The following STXBP5L variants were observed in gnomAD, a reference collection of about 807,000 sequenced individuals.
The protein encoded by STXBP5L is syntaxin binding protein 5L.
Under a neutral mutation model 144.5 loss-of-function variants are expected in STXBP5L, and 65 were observed. That is an observed-to-expected ratio of 0.45 (90% CI 0.37 to 0.55). The LOEUF (loss-of-function observed/expected upper bound fraction) is 0.55. Ranked by LOEUF, STXBP5L falls within the 20% of genes least tolerant of loss-of-function variation. STXBP5L has a pLI of 0.00. For synonymous variants in STXBP5L, 505 were observed against 469.6 expected, an observed-to-expected ratio of 1.08 and a Z score of -0.97; for missense variants, 1,298 against 1,405.5, an observed-to-expected ratio of 0.92 and a Z score of 1.22.
chr3:121,055,608 T>C (rs191089714), intron 5 of STXBP5L, among the ~76,000 whole-genome samples: 10 of 152,114 alleles, frequency 6.6e-5, no homozygotes, highest in African/African-American at 2.2e-4. Context: ...ACTCCTGGGC[T>C]CAAGCAATCC....
chr3:121,076,177 T>A (rs1319456860), intron 5 of STXBP5L, among the ~76,000 whole-genome samples: 1 of 152,254 alleles, frequency 6.6e-6, no homozygotes, highest in Non-Finnish European at 1.5e-5. Context: ...TGCTTGGGCA[T>A]GGCCCGACCT....
intron 18 of STXBP5L, among the ~76,000 whole-genome samples, chr3:121,275,581 C>T (rs2141658): frequency 0.79 from 119,565 of 152,002 alleles, 47,249 homozygotes; most frequent in East Asian, 0.93. Context: ...TTCTATATCC[C>T]TACTGATTTG....
intron 9 of STXBP5L, among the ~76,000 whole-genome samples, chr3:121,187,020 T>C (rs1341854445): frequency 3.9e-5 from 6 of 152,132 alleles, no homozygotes; most frequent in Admixed American, 3.3e-4. Flanking sequence ...TCCTCAGGGA[T>C]CTAGAACTAG....
intron 2 of STXBP5L, among the ~76,000 whole-genome samples, chr3:120,952,222 A>T (rs1711301712): frequency 6.6e-6 from 1 of 152,034 alleles, no homozygotes; most frequent in African/African-American, 2.4e-5. Flanking sequence ...CAATTTTTGC[A>T]AAAAAGCCAG....
chr3:120,997,163 T>C (rs1358297221), intron 3 of STXBP5L, among the ~76,000 whole-genome samples: 1 of 152,216 alleles, frequency 6.6e-6, no homozygotes, highest in Non-Finnish European at 1.5e-5. Flanking sequence ...GGTGTATATG[T>C]ATCACACTTC....
chr3:121,089,821 G>A (rs1433521378), intron 5 of STXBP5L, among the ~76,000 whole-genome samples: 1 of 151,794 alleles, frequency 6.6e-6, no homozygotes, highest in Non-Finnish European at 1.5e-5. Flanking sequence ...CATCCTCTAG[G>A]CCACTGGCTC....
chr3:121,172,981 C>G lies in STXBP5L; in HGVS notation c.877+15354C>G, dbSNP rs112870138. ...TAAAGAAACTGTGGCACATACACAC[C>G]ATGGAATACTATGCAGCCATAAAAA... On this transcript the variant is annotated intron_variant, in intron 9 of 26. Transcript: ENST00000471454. Among the ~76,000 whole-genome samples the G allele has an allele frequency of 8.0e-3, 1,222 of 151,898 alleles. 11 individuals carry two copies. The highest frequency in any genetic ancestry group is 0.028 in the African/African-American group (1,178 of 41,534).
intron 7 of STXBP5L, among the ~76,000 whole-genome samples, chr3:121,150,130 A>G (rs1459821519): frequency 6.6e-6 from 1 of 152,074 alleles, no homozygotes; most frequent in Non-Finnish European, 1.5e-5. Context: ...TTAGAATATA[A>G]TATCTACAAT....
At chr3:121,044,954 C>G (rs1947408511) in intron 4 of STXBP5L, among the ~76,000 whole-genome samples, 1 of 151,808 alleles carries the variant, frequency 6.6e-6, no homozygotes, top group African/African-American at 2.4e-5. Context: ...TAAATTATAC[C>G]AAATATACTT....
At chr3:121,071,293 G>A (rs77691480) in intron 5 of STXBP5L, among the ~76,000 whole-genome samples, 18,267 of 152,222 alleles carry the variant, frequency 0.12, 1,154 homozygotes, top group Non-Finnish European at 0.14. Flanking sequence ...CATTTAACCC[G>A]CATTTAGTTA....
In STXBP5L at chr3:121,372,489, G is replaced by T. The variant is rs114667917; in HGVS notation, c.2177-6227G>T. Among the ~76,000 whole-genome samples the T allele has an allele frequency of 8.9e-3, 1,352 of 152,258 alleles. 16 individuals are homozygous for T. Among genetic ancestry groups the T allele is most frequent in the African/African-American group, 0.031 (1,296 of 41,540 alleles). On this transcript the variant is annotated intron_variant, in intron 20 of 26. Coordinates refer to ENST00000471454, the MANE Select transcript of STXBP5L (RefSeq NM_001308330.2). Reference sequence around the variant, plus strand: ...TTCCCTGCCAATTCAGATGTCCATTGTGGCTAAGGGGTCTCCTCCTGCTGG... The same window carrying T: ...TTCCCTGCCAATTCAGATGTCCATTTTGGCTAAGGGGTCTCCTCCTGCTGG...
intron 20 of STXBP5L, among the ~76,000 whole-genome samples, chr3:121,372,820 G>T (rs902964871): frequency 1.3e-5 from 2 of 151,836 alleles, no homozygotes; most frequent in Admixed American, 1.3e-4. Context: ...TTCTATTTCT[G>T]TTGGAAAAAA....
At chr3:120,999,367 GT>G (rs1943594143) in intron 3 of STXBP5L, among the ~76,000 whole-genome samples, 2 of 152,056 alleles carry the variant, frequency 1.3e-5, no homozygotes, top group African/African-American at 4.8e-5. Flanking sequence ...TTTAAAGTTT[GT>G]TTTATCTGAA....
At chr3:121,052,547 C>T (rs28852138) in intron 5 of STXBP5L, among the ~76,000 whole-genome samples, 15,094 of 152,054 alleles carry the variant, frequency 0.099, 1,178 homozygotes, top group Admixed American at 0.2. Flanking sequence ...ATTCAACAAC[C>T]CTTCATGCTA....
chr3:121,364,007 G>A (rs1576291432), intron 20 of STXBP5L, among the ~76,000 whole-genome samples: 1 of 152,116 alleles, frequency 6.6e-6, no homozygotes, highest in Non-Finnish European at 1.5e-5. Flanking sequence ...TCTGTTGATA[G>A]TGTCATTTGA....
intron 9 of STXBP5L, among the ~76,000 whole-genome samples, chr3:121,190,747 G>T (rs985218715): frequency 1.3e-5 from 2 of 152,064 alleles, no homozygotes; most frequent in Non-Finnish European, 2.9e-5. Context: ...CCCGGATGGG[G>T]CAGCTGCCGG....
At chr3:121,379,001 C>T (rs2046261448) in intron 21 of STXBP5L, 115 bp downstream of exon 21, 1 of 1,086,872 alleles carries the variant, frequency 9.2e-7, no homozygotes, top group Non-Finnish European at 1.3e-6. Flanking sequence ...AACTACTAAT[C>T]AGTGAATACC....
rs919545637 is a variant in STXBP5L, at chr3:121,098,871, A to AT, written c.471-16045dup. ...AAAGCCTCCAAGGAAGTTATTGTGA[A>AT]TTTTTTTTTCCAGAAAGAAAATAAT... On this transcript the variant is annotated intron_variant, in intron 5 of 26. Coordinates refer to ENST00000471454, the MANE Select transcript of STXBP5L (RefSeq NM_001308330.2). Among the ~76,000 whole-genome samples, 13 of 151,680 alleles carry AT rather than the reference A, an allele frequency of 8.6e-5. 1 individual carries two copies. The highest frequency in any genetic ancestry group is 3.9e-4 in the East Asian group (2 of 5,156).
intron 5 of STXBP5L, among the ~76,000 whole-genome samples, chr3:121,051,572 G>T (rs2107592437): frequency 6.6e-6 from 1 of 152,250 alleles, no homozygotes; most frequent in South Asian, 2.1e-4. Context: ...GAATCTCTGG[G>T]ACACATTCAA....
Sources: allele counts gnomAD v4.1 joint callset (sites outside exome capture counted in the v4.1 genomes callset), GRCh38; gene constraint gnomAD v4.1.1; transcripts MANE v1.5; gene names NCBI Gene and HGNC (gene_info 2026-07-23, HGNC 2026-07-21).